PALD1: variants seen among roughly 807,000 people sequenced by gnomAD.
The protein encoded by PALD1 is paladin.
A neutral mutation model predicts 96.0 loss-of-function variants in PALD1; 57 were observed. That is an observed-to-expected ratio of 0.59 (90% CI 0.48 to 0.74). The LOEUF is 0.74. PALD1 is among the 30% of genes least tolerant of loss of function. The probability of loss-of-function intolerance (pLI) is 0.00; values close to 1 mark genes in which losing one functional copy is unlikely to be tolerated. For missense variants in PALD1, 1,063 were observed against 1,143.7 expected (o/e 0.93, Z 1.02); for synonymous variants, 464 against 473.6 (o/e 0.98, Z 0.26).
chr10:70,528,149 A>G (rs1433249546), intron 2 of PALD1, among the ~76,000 whole-genome samples: 4 of 152,070 alleles, frequency 2.6e-5, no homozygotes, highest in Non-Finnish European at 5.9e-5. Flanking sequence ...CATGGTGTAT[A>G]TGAAGGCACT....
intron 17 of PALD1, among the ~76,000 whole-genome samples, chr10:70,547,033 G>A (rs868132819): frequency 6.6e-6 from 1 of 152,102 alleles, no homozygotes; most frequent in Admixed American, 6.5e-5. Context: ...TTAGATATTC[G>A]GTACAAATTC....
At chr10:70,558,599 C>T (rs1847664531) in intron 18 of PALD1, among the ~76,000 whole-genome samples, 1 of 151,944 alleles carries the variant, frequency 6.6e-6, no homozygotes, top group South Asian at 2.1e-4. Flanking sequence ...GCGGGGTATC[C>T]GTTGGGAGAA....
In PALD1 at chr10:70,534,082, C is replaced by G; in HGVS notation, c.1022+9C>G. ...ACCACCTCCCAGCCAGAGTGAGTGG[C>G]CCGGGGCCCAGCGTCCTGAAGGGCT... On this transcript the variant is annotated intron_variant, in intron 8 of 19. Coordinates refer to ENST00000263563, the MANE Select transcript of PALD1 (RefSeq NM_014431.3). 4 of 1,587,276 alleles carry G rather than the reference C, an allele frequency of 2.5e-6. No individual in the cohort carries two copies. Among genetic ancestry groups the G allele is most frequent in the Non-Finnish European group, 3.4e-6 (4 of 1,164,416 alleles).
chr10:70,521,874 C>G (rs1846743416), intron 1 of PALD1, among the ~76,000 whole-genome samples: 2 of 151,626 alleles, frequency 1.3e-5, no homozygotes, highest in South Asian at 4.2e-4. Flanking sequence ...AAGCAGAAGC[C>G]CATGGACTCC....
At chr10:70,554,636 C>G (rs1005315364) in intron 18 of PALD1, among the ~76,000 whole-genome samples, 1 of 152,006 alleles carries the variant, frequency 6.6e-6, no homozygotes, top group African/African-American at 2.4e-5. Flanking sequence ...ATATTTATGA[C>G]AAAAACCAAA....
chr10:70,549,237 T>C (rs1012473140), intron 18 of PALD1, among the ~76,000 whole-genome samples: 1 of 152,100 alleles, frequency 6.6e-6, no homozygotes, highest in Non-Finnish European at 1.5e-5. Context: ...AGCAATGAGC[T>C]AAGAAGCTAA....
At chr10:70,464,702 T>C in the PALD1 span, among the ~76,000 whole-genome samples, 4 of 149,368 alleles carry the variant, frequency 2.7e-5, no homozygotes, top group Admixed American at 2.0e-4. Flanking sequence ...CTCTGCTCAT[T>C]GCAGCCTCTG....
At chr10:70,533,262 G>A (rs1847033714) in intron 7 of PALD1, among the ~76,000 whole-genome samples, 192 bp downstream of exon 7, 1 of 152,050 alleles carries the variant, frequency 6.6e-6, no homozygotes, top group African/African-American at 2.4e-5. Context: ...GCCTTTGTGT[G>A]TGTCTGTGGG....
At chr10:70,514,680 T>G (rs1846585505) in intron 1 of PALD1, among the ~76,000 whole-genome samples, 1 of 152,138 alleles carries the variant, frequency 6.6e-6, no homozygotes, top group Non-Finnish European at 1.5e-5. Context: ...TTCTCGGCTC[T>G]CTTGAGGGCT....
At chr10:70,538,455 C>T in intron 12 of PALD1, 47 bp downstream of exon 12, 1 of 1,581,956 alleles carries the variant, frequency 6.3e-7, no homozygotes, top group Non-Finnish European at 8.6e-7. Flanking sequence ...TGTGTACTGG[C>T]CCTGGCCCCT....
intron 1 of PALD1, among the ~76,000 whole-genome samples, chr10:70,502,868 T>C (rs1364875917): frequency 6.6e-6 from 1 of 152,134 alleles, no homozygotes; most frequent in Non-Finnish European, 1.5e-5. Flanking sequence ...GGTTCTCTTC[T>C]CTTCTCTTTT....
chr10:70,507,890 G>A (rs1846425911), intron 1 of PALD1, among the ~76,000 whole-genome samples: 1 of 152,076 alleles, frequency 6.6e-6, no homozygotes, highest in Admixed American at 6.6e-5. Context: ...TATCCAAGTG[G>A]CTCCTTTGTG....
At chr10:70,508,822 G>GTGTGTGT (rs1846452364) in intron 1 of PALD1, among the ~76,000 whole-genome samples, 1 of 28,394 alleles carries the variant, frequency 3.5e-5, no homozygotes, top group African/African-American at 1.8e-4. Flanking sequence ...TGTGTGTGCA[G>GTGTGTGT]GCCTGTGGGA....
chr10:70,547,526 CT>C, intron 18 of PALD1, 80 bp downstream of exon 18: 2 of 1,054,198 alleles, frequency 1.9e-6, no homozygotes, highest in Non-Finnish European at 2.6e-6. Context: ...GCTGATGTGG[CT>C]TTGGGGTTGC....
At chr10:70,553,703 C>T (rs12415094) in intron 18 of PALD1, among the ~76,000 whole-genome samples, 26,710 of 152,176 alleles carry the variant, frequency 0.18, 2,734 homozygotes, top group Admixed American at 0.29. Flanking sequence ...GGACAAGACC[C>T]GGCCCCTGAC....
rs533677352 is a variant in PALD1, at chr10:70,554,046, T to G, written c.2262+6600T>G. Among the ~76,000 whole-genome samples, 624 of 152,318 alleles carry G rather than the reference T, an allele frequency of 4.1e-3. 5 individuals are homozygous for G. The highest frequency in any genetic ancestry group is 0.014 in the African/African-American group (600 of 41,584). On this transcript the variant is annotated intron_variant, in intron 18 of 19. Transcript: ENST00000263563. ...TTCACGGGGCTGCAGCCCACGGCGGTGCCCCTCTGTTCTCCAGTGTCTGCA... is the reference window on the plus strand; with the variant it reads ...TTCACGGGGCTGCAGCCCACGGCGGGGCCCCTCTGTTCTCCAGTGTCTGCA...
the PALD1 span, among the ~76,000 whole-genome samples, chr10:70,462,008 G>A: frequency 1.3e-5 from 2 of 152,162 alleles, no homozygotes; most frequent in African/African-American, 4.8e-5. Context: ...GCCCAGGCTG[G>A]TCTCAAACTC....
At chr10:70,536,017 C>T (rs1847108668) in intron 10 of PALD1, among the ~76,000 whole-genome samples, 1 of 152,172 alleles carries the variant, frequency 6.6e-6, no homozygotes, top group Non-Finnish European at 1.5e-5. Context: ...CACCTGTAAT[C>T]CCAGCACTTT....
At chr10:70,516,734 T>C (rs749806807) in intron 1 of PALD1, among the ~76,000 whole-genome samples, 3 of 152,010 alleles carry the variant, frequency 2.0e-5, no homozygotes, top group Non-Finnish European at 4.4e-5. Context: ...TTTTTCTTTC[T>C]ATCTTTGGCA....
Sources: allele counts gnomAD v4.1 joint callset (sites outside exome capture counted in the v4.1 genomes callset), GRCh38; gene constraint gnomAD v4.1.1; transcripts MANE v1.5; gene names NCBI Gene and HGNC (gene_info 2026-07-23, HGNC 2026-07-21).